VAC14: variants seen among roughly 807,000 people sequenced by gnomAD.
VAC14 encodes the protein protein VAC14 homolog.
VAC14 carries 47 observed loss-of-function variants against 85.3 expected under a neutral mutation model. The observed-to-expected ratio is 0.55, with a 90% CI of 0.44 to 0.70. The LOEUF is 0.70. Ranked by LOEUF, VAC14 falls within the 30% of genes least tolerant of loss-of-function variation. The pLI, the probability that VAC14 is intolerant of heterozygous loss-of-function variation, is 0.00. For synonymous variants in VAC14, 447 were observed against 430.5 expected, an observed-to-expected ratio of 1.04 and a Z score of -0.47; for missense variants, 861 against 1,004.3, an observed-to-expected ratio of 0.86 and a Z score of 1.93.
chr16:70,709,910 T>G (rs535593480), intron 14 of VAC14, among the ~76,000 whole-genome samples: 1 of 152,314 alleles, frequency 6.6e-6, no homozygotes, highest in African/African-American at 2.4e-5. Flanking sequence ...CCCTGGGGCC[T>G]CCTGGGCTCT....
At chr16:70,790,608 T>C (rs1016088916) in intron 1 of VAC14, among the ~76,000 whole-genome samples, 3 of 151,112 alleles carry the variant, frequency 2.0e-5, no homozygotes, top group Middle Eastern at 3.2e-3. Flanking sequence ...AGTGACAGCC[T>C]GCAAAAGTAA....
intron 14 of VAC14, among the ~76,000 whole-genome samples, chr16:70,724,211 C>T (rs1482322166): frequency 6.6e-6 from 1 of 152,194 alleles, no homozygotes; most frequent in East Asian, 1.9e-4. Context: ...CAAGGCCTGC[C>T]ACATGTGGTA....
At chr16:70,775,784 A>G (rs760056475) in intron 9 of VAC14, among the ~76,000 whole-genome samples, 7 of 151,576 alleles carry the variant, frequency 4.6e-5, no homozygotes, top group Non-Finnish European at 7.4e-5. Flanking sequence ...TAGATGAAAT[A>G]ATGTGGCATC....
intron 10 of VAC14, among the ~76,000 whole-genome samples, chr16:70,765,378 G>T (rs193042678): frequency 1.3e-5 from 2 of 152,326 alleles, no homozygotes; most frequent in East Asian, 3.9e-4. Flanking sequence ...GGCAGGATCA[G>T]TGGTGTGTCT....
chr16:70,781,791 G>A lies in VAC14; in HGVS notation c.946+78C>T. Reference sequence around the variant, plus strand: ...GTGATGGATCCTAAGAGAGCCCCCAGCCCCCAGTGCAGGGTCCCTCAACTT... The same window carrying A: ...GTGATGGATCCTAAGAGAGCCCCCAACCCCCAGTGCAGGGTCCCTCAACTT... On this transcript the variant is annotated intron_variant, in intron 8 of 18. Coordinates refer to ENST00000261776, the MANE Select transcript of VAC14 (RefSeq NM_018052.5). 3.2e-6 allele frequency: 5 copies of A among 1,555,046 alleles called. No individual in the cohort carries two copies. The Admixed American group carries it at 8.9e-5, about 28-fold the overall frequency.
intron 18 of VAC14, chr16:70,691,345 T>A (rs879731507): frequency 1.0e-4 from 100 of 985,308 alleles, no homozygotes; most frequent in Non-Finnish European, 1.2e-4. Context: ...TCCTGCCTCC[T>A]CCCTGCTTCC....
chr16:70,783,195 C>T, intron 6 of VAC14, 56 bp from the exon 7 acceptor site: 2 of 1,557,406 alleles, frequency 1.3e-6, no homozygotes, highest in South Asian at 1.2e-5. Flanking sequence ...GCTGGAGGAG[C>T]CTCAAACCAG....
intron 14 of VAC14, among the ~76,000 whole-genome samples, chr16:70,706,707 G>C (rs2053926511): frequency 6.6e-6 from 1 of 152,164 alleles, no homozygotes; most frequent in Non-Finnish European, 1.5e-5. Flanking sequence ...GACCAGGCTG[G>C]TCTTGAACTC....
intron 14 of VAC14, among the ~76,000 whole-genome samples, chr16:70,723,832 C>T (rs761969599): frequency 3.3e-5 from 5 of 152,224 alleles, no homozygotes; most frequent in South Asian, 2.1e-4. Context: ...GGTCTGACCA[C>T]GTGTGCCATG....
At chr16:70,719,484 A>C (rs2054237807) in intron 14 of VAC14, among the ~76,000 whole-genome samples, 1 of 152,224 alleles carries the variant, frequency 6.6e-6, no homozygotes, top group African/African-American at 2.4e-5. Flanking sequence ...TATACAACTG[A>C]GAAAGACTCA....
intron 14 of VAC14, chr16:70,699,235 G>A (rs4985563): frequency 0.59 from 113,233 of 192,702 alleles, 34,586 homozygotes; most frequent in African/African-American, 0.64. Context: ...TCTTCATCCA[G>A]CCAATTCTCC....
chr16:70,782,471 C>T (rs2033861783), intron 7 of VAC14, among the ~76,000 whole-genome samples: 1 of 152,192 alleles, frequency 6.6e-6, no homozygotes, highest in African/African-American at 2.4e-5. Flanking sequence ...ACATGTGGTC[C>T]AGCTGCCCCC....
intron 18 of VAC14, chr16:70,690,502 C>T (rs1356560468): frequency 1.0e-6 from 1 of 985,634 alleles, no homozygotes; most frequent in Non-Finnish European, 1.2e-6. Context: ...CTTAGAGGTT[C>T]CCTCCTGCCT....
chr16:70,773,497 G>C (rs1215559274), intron 9 of VAC14, among the ~76,000 whole-genome samples: 1 of 152,202 alleles, frequency 6.6e-6, no homozygotes, highest in Non-Finnish European at 1.5e-5. Context: ...GCTGCTGGTA[G>C]GATCCTGTTC....
intron 14 of VAC14, among the ~76,000 whole-genome samples, chr16:70,728,839 GTACTGATGC>G (rs990073356): frequency 4.6e-5 from 7 of 152,228 alleles, no homozygotes; most frequent in Non-Finnish European, 1.0e-4. Context: ...CTCATCATGA[GTACTGATGC>G]CTCTGCAATT....
At chr16:70,734,616 T>C (rs2054693515) in intron 13 of VAC14, among the ~76,000 whole-genome samples, 1 of 152,206 alleles carries the variant, frequency 6.6e-6, no homozygotes, top group South Asian at 2.1e-4. Flanking sequence ...ACTTTTTATA[T>C]ACAGTGTGAG....
chr16:70,772,175 G>C lies in VAC14; in HGVS notation c.1097-3C>G. On this transcript the variant is annotated splice_polypyrimidine_tract_variant and splice_region_variant and intron_variant, in intron 9 of 18. Coordinates refer to ENST00000261776, the MANE Select transcript of VAC14 (RefSeq NM_018052.5). ...GTCACAGGAACCATCTGGACCTCCT[G>C]GGAGAGGAAGAGGAACAAGGGGTCA... 6.2e-7 allele frequency: 1 copy of C among 1,613,896 alleles called. No homozygotes were observed. Among genetic ancestry groups the C allele is most frequent in the South Asian group, 1.1e-5 (1 of 91,066 alleles).
intron 10 of VAC14, chr16:70,768,965 TA>T (rs1303054324): frequency 3.4e-5 from 9 of 264,218 alleles, no homozygotes; most frequent in South Asian, 6.2e-5. Context: ...CACGCCTGGC[TA>T]TTTTTTTTTT....
intron 14 of VAC14, among the ~76,000 whole-genome samples, chr16:70,724,320 AC>A: frequency 6.6e-6 from 1 of 151,790 alleles, no homozygotes; most frequent in East Asian, 1.9e-4. Flanking sequence ...GGCCAGGACC[AC>A]CCCCCACTCC....
Sources: allele counts gnomAD v4.1 joint callset (sites outside exome capture counted in the v4.1 genomes callset), GRCh38; gene constraint gnomAD v4.1.1; transcripts MANE v1.5; gene names NCBI Gene and HGNC (gene_info 2026-07-23, HGNC 2026-07-21).